The following OFD1 variants were observed in gnomAD, a reference collection of about 807,000 sequenced individuals.
OFD1 encodes the protein OFD1 centriole and centriolar satellite protein.
In OFD1, 12 loss-of-function variants were observed where a neutral mutation model predicts 81.4. That is an observed-to-expected ratio of 0.15 (90% CI 0.09 to 0.24). The LOEUF (loss-of-function observed/expected upper bound fraction) is 0.24, where lower values mean the gene tolerates loss of function less well. Ranked by LOEUF, OFD1 falls within the 10% of genes least tolerant of loss-of-function variation. OFD1 has a pLI of 1.00. For synonymous variants in OFD1, 256 were observed against 263.7 expected (o/e 0.97, Z 0.28); for missense variants, 685 against 733.9 (o/e 0.93, Z 0.77).
intron 17 of OFD1, 71 bp downstream of exon 17, chrX:13,761,282 T>C: frequency 9.3e-7 from 1 of 1,073,562 alleles, no homozygotes; most frequent in South Asian, 2.0e-5. Flanking sequence ...TTCACTTGTT[T>C]TACTGGGATT....
Position 13,746,345 on chromosome X carries a change from C to G in OFD1, c.544C>G (p.Gln182Glu). Residue 182 changes from glutamine to glutamate, a missense_variant, in exon 7 of 23, where the codon CAG becomes GAG. Gln to Glu is a conservative substitution (Grantham distance 29). This residue lies in a region of OFD1 where 414 missense variants were observed against 447.2 expected (regional missense o/e 0.93). Coordinates refer to ENST00000340096, the MANE Select transcript of OFD1 (RefSeq NM_003611.3). ...LAEKLQLIDD[Q>E]FADAYPQRIK... is the part of the protein sequence containing the mutation. ...TGAGAAGCTTCAGCTTATTGATGAT[C>G]AGTTTGCAGATGCTTACCCTCAGCG... 13 of 1,203,876 alleles carry G rather than the reference C, an allele frequency of 1.1e-5. No individual in the cohort carries two copies. The highest frequency in any genetic ancestry group is 3.5e-5 in the African/African-American group (2 of 57,695).
intron 12 of OFD1, among the ~76,000 whole-genome samples, chrX:13,755,458 A>G (rs956269928): frequency 2.7e-5 from 3 of 111,721 alleles, no homozygotes; most frequent in African/African-American, 9.8e-5. Context: ...AGTCCTGCCC[A>G]CATCCTGTCT....
the OFD1 span, among the ~76,000 whole-genome samples, chrX:13,717,055 A>C: frequency 3.8e-5 from 4 of 106,002 alleles, no homozygotes; most frequent in African/African-American, 6.8e-5. Flanking sequence ...AAAAAAAAAA[A>C]AAAAAAAAAC....
At chrX:13,738,593 C>T in intron 3 of OFD1, 6 of 298,988 alleles carry the variant, frequency 2.0e-5, no homozygotes, top group Non-Finnish European at 2.9e-5. Flanking sequence ...AACATTTAGG[C>T]ATATCATCTT....
chrX:13,735,065 A>C lies in OFD1; in HGVS notation c.-7A>C. 1 of 1,193,832 alleles carries C rather than the reference A, an allele frequency of 8.4e-7. No individual in the cohort carries two copies. The highest frequency in any genetic ancestry group is 1.1e-6 in the Non-Finnish European group (1 of 889,493). On this transcript the variant is annotated 5_prime_UTR_variant, in exon 1 of 23. Coordinates refer to ENST00000340096, the MANE Select transcript of OFD1 (RefSeq NM_003611.3). ...GCGAGGCGGGCTCCGGAGGGAGCTG[A>C]CGCCTGATGATGGCGCAGGTAGACA...
intron 6 of OFD1, among the ~76,000 whole-genome samples, chrX:13,745,524 A>G (rs1274831218): frequency 8.9e-6 from 1 of 112,119 alleles, no homozygotes; most frequent in Admixed American, 9.5e-5. Flanking sequence ...ATGTGGCTGG[A>G]GAGTCCTGTG....
rs953372031 is a variant in OFD1 at position 13,736,523 on chromosome X, T to C, written c.157T>C (p.Leu53=). The change falls in exon 3 of 23, where the codon TTG becomes CTG. Residue 53 remains leucine (L), a synonymous_variant. Coordinates refer to ENST00000340096, the MANE Select transcript of OFD1 (RefSeq NM_003611.3). The stretch of plus-strand genomic sequence containing the variant: ...AATTCATGAGTTGATGCACCCTGTA[T>C]TGAGTGGAGAACTGCAGCCTCGGTC... ...QLIHELMHPV[L]SGELQPRSIS... 1.7e-6 allele frequency: 2 copies of C among 1,211,429 alleles called. No individual in the cohort carries two copies. The highest frequency in any genetic ancestry group is 3.0e-5 in the East Asian group (1 of 33,858).
intron 20 of OFD1, chrX:13,767,772 ACCT>A (rs1357854626): frequency 6.9e-6 from 2 of 288,762 alleles, no homozygotes; most frequent in African/African-American, 5.5e-5. Flanking sequence ...CACTTAACAC[ACCT>A]GCTAAGTCTT....
chrX:13,742,019 A>G (rs1354038531), intron 5 of OFD1, among the ~76,000 whole-genome samples: 1 of 112,121 alleles, frequency 8.9e-6, no homozygotes, highest in Non-Finnish European at 1.9e-5. Context: ...GCCTGACAAT[A>G]TCCAGAAAAT....
intron 18 of OFD1, among the ~76,000 whole-genome samples, chrX:13,762,980 G>GGA (rs1378800577): frequency 8.9e-6 from 1 of 111,891 alleles, no homozygotes; most frequent in Non-Finnish European, 1.9e-5. Context: ...ATATTGGCCA[G>GGA]GCTGGTCTTG....
At chrX:13,745,648 C>T (rs1303775641) in intron 6 of OFD1, among the ~76,000 whole-genome samples, 1 of 112,016 alleles carries the variant, frequency 8.9e-6, no homozygotes, top group Non-Finnish European at 1.9e-5. Flanking sequence ...CCTTTTTCCC[C>T]TCTGTGCATA....
At chrX:13,758,302 A>G (rs767362953) in intron 14 of OFD1, 35 bp from the exon 15 acceptor site, 8 of 959,983 alleles carry the variant, frequency 8.3e-6, no homozygotes, top group South Asian at 5.9e-5. Flanking sequence ...GATTTGTTTT[A>G]CATTGATTTC....
chrX:13,766,429 C>G (rs2048130185), intron 19 of OFD1, among the ~76,000 whole-genome samples: 2 of 111,843 alleles, frequency 1.8e-5, no homozygotes, highest in Non-Finnish European at 3.8e-5. Flanking sequence ...CCGGGATGAT[C>G]ATGCCTGGGA....
intron 17 of OFD1, 54 bp downstream of exon 17, chrX:13,761,265 G>A (rs1265320775): frequency 8.7e-7 from 1 of 1,150,579 alleles, no homozygotes; most frequent in Non-Finnish European, 1.2e-6. Flanking sequence ...TACTTGCTCT[G>A]TCAGCCTTCA....
intron 15 of OFD1, among the ~76,000 whole-genome samples, chrX:13,759,372 G>C (rs945831663): frequency 8.9e-6 from 1 of 112,363 alleles, no homozygotes; most frequent in Admixed American, 9.4e-5. Flanking sequence ...ATAAAAAATA[G>C]TTGAATGAGG....
At chrX:13,757,122 A>AT (rs1349241070) in intron 13 of OFD1, among the ~76,000 whole-genome samples, 1 of 112,043 alleles carries the variant, frequency 8.9e-6, no homozygotes, top group Non-Finnish European at 1.9e-5. Context: ...CCCTCCTCTG[A>AT]TTCCCCAGGC....
At chrX:13,756,265 A>G (rs907637180) in intron 12 of OFD1, among the ~76,000 whole-genome samples, 2 of 111,222 alleles carry the variant, frequency 1.8e-5, no homozygotes, top group African/African-American at 6.6e-5. Flanking sequence ...TTTTTATCTT[A>G]CCTTTCATAT....
the OFD1 span, chrX:13,720,931 C>A: frequency 9.3e-6 from 1 of 107,372 alleles, no homozygotes; most frequent in Non-Finnish European, 1.9e-5. Flanking sequence ...GAGGCTGACG[C>A]AGGAGGATCA....
chrX:13,719,596 A>G, the OFD1 span, among the ~76,000 whole-genome samples: 1 of 112,084 alleles, frequency 8.9e-6, no homozygotes, highest in Admixed American at 9.5e-5. Flanking sequence ...CAGGTGAACT[A>G]TGTCTTTATG....
Sources: gnomAD v4.1 joint callset for allele counts (sites outside exome capture counted in the v4.1 genomes callset) on GRCh38, gnomAD v4.1.1 for gene constraint, gnomAD v4.1.1 regional missense constraint, MANE v1.5 for transcripts, NCBI Gene and HGNC (gene_info 2026-07-23, HGNC 2026-07-21) for gene names.